TTC28: variants seen among roughly 807,000 people sequenced by gnomAD.
TTC28 encodes tetratricopeptide repeat protein 28.
In TTC28, 61 loss-of-function variants were observed where a neutral mutation model predicts 198.0. That is an observed-to-expected ratio of 0.31 (90% CI 0.25 to 0.38). The LOEUF (loss-of-function observed/expected upper bound fraction) is 0.38. Among genes scored for constraint, TTC28 ranks in the 10% least tolerant of loss-of-function variants. TTC28 has a pLI of 1.00. For missense variants in TTC28, 2,678 were observed against 3,164.0 expected (o/e 0.85, Z 3.69); for synonymous variants, 1,171 against 1,297.8 (o/e 0.90, Z 2.10).
In TTC28 at chr22:28,108,449, T is replaced by C. The variant is rs1379193813; in HGVS notation, c.1442-46A>G. ...ACAGACTAAGACTGAAATAACTGAT[T>C]TGCAATGTAGAAAGAAATGTAATTT... On this transcript the variant is annotated intron_variant, in intron 6 of 22. Coordinates refer to ENST00000397906, the MANE Select transcript of TTC28 (RefSeq NM_001145418.2). 8 of 1,378,110 alleles carry C rather than the reference T, an allele frequency of 5.8e-6. 1 individual carries two copies. The highest frequency in any genetic ancestry group is 3.5e-5 in the Admixed American group (1 of 28,834). The allele number at this position is 1,378,110 out of a possible 1,614,324, so 85.4% of individuals were successfully genotyped here.
intron 6 of TTC28, among the ~76,000 whole-genome samples, chr22:28,144,917 G>A (rs998198402): frequency 1.3e-5 from 2 of 152,218 alleles, no homozygotes; most frequent in African/African-American, 4.8e-5. Context: ...TTAAAGGAAG[G>A]GGTGTTTCCT....
At chr22:28,230,926 C>T (rs1253888201) in intron 5 of TTC28, among the ~76,000 whole-genome samples, 1 of 152,062 alleles carries the variant, frequency 6.6e-6, no homozygotes, top group Non-Finnish European at 1.5e-5. Context: ...GATGTGTGCA[C>T]CTATGTGGGA....
chr22:28,279,663 A>G (rs2044545348), intron 5 of TTC28, among the ~76,000 whole-genome samples: 1 of 152,110 alleles, frequency 6.6e-6, no homozygotes, highest in African/African-American at 2.4e-5. Context: ...AGACACCACA[A>G]CAGGCCCATT....
chr22:28,497,054 G>T (rs936273426), intron 2 of TTC28, among the ~76,000 whole-genome samples: 4 of 152,026 alleles, frequency 2.6e-5, no homozygotes, highest in Non-Finnish European at 5.9e-5. Flanking sequence ...CCTCCCTAAT[G>T]ACCCTATTTG....
intron 6 of TTC28, among the ~76,000 whole-genome samples, chr22:28,111,427 C>G (rs1311145444): frequency 1.3e-5 from 2 of 152,172 alleles, no homozygotes; most frequent in African/African-American, 4.8e-5. Context: ...GTGACAGAAA[C>G]GTTTCAGTTC....
intron 5 of TTC28, among the ~76,000 whole-genome samples, chr22:28,200,921 T>C (rs905449847): frequency 4.2e-4 from 64 of 152,354 alleles, no homozygotes; most frequent in African/African-American, 1.4e-3. Flanking sequence ...TTTTTGTTTT[T>C]ATATTTAAAA....
At chr22:28,388,263 T>G (rs931123312) in intron 2 of TTC28, among the ~76,000 whole-genome samples, 7 of 152,226 alleles carry the variant, frequency 4.6e-5, no homozygotes, top group Non-Finnish European at 7.4e-5. Context: ...TAGTATAGTT[T>G]GAAGTCAGGT....
At chr22:28,534,017 A>G (rs1347028273) in intron 2 of TTC28, among the ~76,000 whole-genome samples, 1 of 152,232 alleles carries the variant, frequency 6.6e-6, no homozygotes, top group African/African-American at 2.4e-5. Flanking sequence ...CTTCATGACT[A>G]AAACACCAAA....
At chr22:28,673,731 T>C (rs2051927790) in intron 1 of TTC28, among the ~76,000 whole-genome samples, 1 of 152,202 alleles carries the variant, frequency 6.6e-6, no homozygotes, top group African/African-American at 2.4e-5. Flanking sequence ...TGGAAGACTA[T>C]AGATAATACA....
intron 2 of TTC28, among the ~76,000 whole-genome samples, chr22:28,549,160 T>C (rs1262627576): frequency 6.6e-6 from 1 of 152,070 alleles, no homozygotes; most frequent in Non-Finnish European, 1.5e-5. Context: ...CCCGAGTAGC[T>C]GGGATTACAG....
intron 5 of TTC28, among the ~76,000 whole-genome samples, chr22:28,211,075 C>T (rs1179679008): frequency 6.6e-6 from 1 of 152,200 alleles, no homozygotes; most frequent in Non-Finnish European, 1.5e-5. Context: ...TACAGACAAG[C>T]AAATGCTGAG....
intron 1 of TTC28, among the ~76,000 whole-genome samples, chr22:28,673,971 T>C (rs2051933087): frequency 1.3e-5 from 2 of 152,154 alleles, no homozygotes; most frequent in Admixed American, 6.6e-5. Context: ...GAAAAAATAT[T>C]GTTTCTGCTT....
intron 12 of TTC28, among the ~76,000 whole-genome samples, chr22:28,057,259 A>AATACATTTT (rs1940326496): frequency 1.3e-5 from 2 of 152,298 alleles, no homozygotes; most frequent in Admixed American, 1.3e-4. Context: ...AATAATACAT[A>AATACATTTT]AGCATTTTAG....
intron 6 of TTC28, among the ~76,000 whole-genome samples, chr22:28,109,059 G>A (rs1206998056): frequency 1.3e-5 from 2 of 152,174 alleles, no homozygotes; most frequent in East Asian, 3.8e-4. Context: ...CACAAACGGC[G>A]CTCCTACTCT....
rs1468819469 is a variant in TTC28, at chr22:28,014,262, C to T, written c.4204G>A (p.Ala1402Thr). 11 of 1,550,756 alleles carry T rather than the reference C, an allele frequency of 7.1e-6. No individual in the cohort carries two copies. Among genetic ancestry groups the T allele is most frequent in the African/African-American group, 5.5e-5 (4 of 73,014 alleles). Residue 1402 changes from alanine (A) to threonine (T), a missense_variant, in exon 14 of 23, where the codon GCG (alanine) becomes ACG (threonine). Transcript: ENST00000397906. ...GAGGTGCTTACCCCTTCCATGGGCG[C>T]GATGAGCAGGTCATACAGGGCACGG... ...PLRALYDLLI[A>T]PMEGGLMHSS... is the part of the protein sequence containing the mutation.
At chr22:28,294,712 G>T (rs1384252701) in intron 5 of TTC28, among the ~76,000 whole-genome samples, 1 of 152,032 alleles carries the variant, frequency 6.6e-6, no homozygotes, top group Non-Finnish European at 1.5e-5. Context: ...GGGATTACAG[G>T]CACCCGCCAC....
In TTC28 at chr22:28,163,318, G is replaced by C; in HGVS notation, c.1215C>G (p.His405Gln). The change falls in exon 6 of 23, where the codon CAC becomes CAG. Residue 405 changes from histidine (H) to glutamine (Q), a missense_variant. Transcript: ENST00000397906. ...RAYSNLGSAYHYRRNFDKAMS... is the reference protein window; with the variant it reads ...RAYSNLGSAYQYRRNFDKAMS... ...TGGCCTTGTCAAAGTTCCTCCGGTA[G>C]TGATAGGCACTGCCCAGGTTGCTAT... The C allele has an allele frequency of 1.3e-6, 2 of 1,552,080 alleles. No homozygotes were observed. Among genetic ancestry groups the C allele is most frequent in the Non-Finnish European group, 1.7e-6 (2 of 1,147,062 alleles).
At chr22:28,120,010 C>T (rs911965904) in intron 6 of TTC28, among the ~76,000 whole-genome samples, 1 of 152,088 alleles carries the variant, frequency 6.6e-6, no homozygotes, top group African/African-American at 2.4e-5. Context: ...TTAAAAAACA[C>T]CCAAGTATGG....
In TTC28 at chr22:28,246,280, A is replaced by G. The variant is rs76076498; in HGVS notation, c.933+49918T>C. Among the ~76,000 whole-genome samples the G allele has an allele frequency of 3.3e-5, 5 of 152,182 alleles. No homozygotes were observed. In the East Asian group the frequency reaches 9.6e-4, roughly 29 times the overall value. ...CATCTCTAAAATAGAGAATAGAAAT[A>G]TCTACATCAGTGCTGTTTTGAGGTT... On this transcript the variant is annotated intron_variant, in intron 5 of 22. Transcript: ENST00000397906.
Sources: allele counts gnomAD v4.1 joint callset (sites outside exome capture counted in the v4.1 genomes callset), GRCh38; gene constraint gnomAD v4.1.1; transcripts MANE v1.5; gene names NCBI Gene and HGNC (gene_info 2026-07-23, HGNC 2026-07-21).